PCDH9: variants seen among roughly 807,000 people sequenced by gnomAD.
PCDH9 encodes the protein protocadherin 9, also known as protocadherin-9.
Under a neutral mutation model 70.6 loss-of-function variants are expected in PCDH9, and 24 were observed. The ratio of observed to expected loss-of-function variants is 0.34; its 90% CI spans 0.25 to 0.48. PCDH9 has a LOEUF of 0.48. Ranked by LOEUF, PCDH9 falls within the 20% of genes least tolerant of loss-of-function variation. PCDH9 has a pLI of 0.99. For missense variants in PCDH9, 1,281 were observed against 1,503.6 expected (o/e 0.85, Z 2.45); for synonymous variants, 562 against 558.5 (o/e 1.01, Z -0.09).
chr13:66,695,192 C>T (rs1273279159), intron 3 of PCDH9, among the ~76,000 whole-genome samples: 1 of 152,158 alleles, frequency 6.6e-6, no homozygotes, highest in African/African-American at 2.4e-5. Context: ...CGTGAGCCAC[C>T]GCGCCCGGTA....
At chr13:66,688,425 C>G (rs1305559762) in intron 3 of PCDH9, among the ~76,000 whole-genome samples, 3 of 152,132 alleles carry the variant, frequency 2.0e-5, no homozygotes, top group African/African-American at 7.2e-5. Flanking sequence ...GGTTAGGCAT[C>G]TTACAGAAAA....
At chr13:67,204,622 T>G (rs1193739330) in intron 2 of PCDH9, 1 of 152,206 alleles carries the variant, frequency 6.6e-6, no homozygotes, top group Admixed American at 6.5e-5. Context: ...AATGTCCATT[T>G]GGATCCAGTC....
chr13:66,393,155 T>G (rs1345550196), intron 4 of PCDH9, among the ~76,000 whole-genome samples: 1 of 152,174 alleles, frequency 6.6e-6, no homozygotes, highest in African/African-American at 2.4e-5. Context: ...ACACGATTCT[T>G]ATTGATGTTA....
chr13:66,738,872 AC>A (rs1284055733), intron 3 of PCDH9, among the ~76,000 whole-genome samples: 30 of 150,186 alleles, frequency 2.0e-4, no homozygotes, highest in Non-Finnish European at 3.4e-4. Context: ...TGATTGGTGT[AC>A]CTGAAAGTGA....
chr13:66,377,822 C>T (rs1956776407), intron 4 of PCDH9, among the ~76,000 whole-genome samples: 2 of 152,124 alleles, frequency 1.3e-5, no homozygotes, highest in Admixed American at 1.3e-4. Flanking sequence ...TTGCTGTCAA[C>T]CCTGTGTTAT....
chr13:67,152,092 C>G (rs2087677214), intron 2 of PCDH9, among the ~76,000 whole-genome samples: 1 of 152,132 alleles, frequency 6.6e-6, no homozygotes, highest in East Asian at 1.9e-4. Flanking sequence ...ACTTACAAGA[C>G]TTTTTGTGTC....
chr13:66,424,148 T>C (rs780813830), intron 4 of PCDH9, among the ~76,000 whole-genome samples: 1 of 152,070 alleles, frequency 6.6e-6, no homozygotes, highest in Non-Finnish European at 1.5e-5. Flanking sequence ...CAATGAAAAC[T>C]ACAAACCACT....
At chr13:66,993,093 T>C (rs1396464596) in intron 2 of PCDH9, among the ~76,000 whole-genome samples, 5 of 152,134 alleles carry the variant, frequency 3.3e-5, no homozygotes, top group African/African-American at 9.7e-5. Context: ...ATAAAGTGAC[T>C]CGTCTCATGA....
intron 3 of PCDH9, among the ~76,000 whole-genome samples, chr13:66,673,939 G>A (rs537279149): frequency 5.9e-5 from 9 of 152,092 alleles, no homozygotes; most frequent in African/African-American, 2.2e-4. Context: ...TCAGTCTCTT[G>A]CTACAAAATT....
chr13:67,144,636 A>G (rs565173180), intron 2 of PCDH9, among the ~76,000 whole-genome samples: 2 of 152,270 alleles, frequency 1.3e-5, no homozygotes, highest in South Asian at 4.1e-4. Flanking sequence ...ATATTTTTTC[A>G]TTCACTACTA....
intron 4 of PCDH9, among the ~76,000 whole-genome samples, chr13:66,416,559 A>G (rs1957464846): frequency 6.6e-6 from 1 of 152,184 alleles, no homozygotes; most frequent in Non-Finnish European, 1.5e-5. Flanking sequence ...GCTATAATGC[A>G]TGTTGCTCTG....
intron 3 of PCDH9, among the ~76,000 whole-genome samples, chr13:66,759,882 A>G (rs1196861917): frequency 6.6e-6 from 1 of 152,160 alleles, no homozygotes; most frequent in Non-Finnish European, 1.5e-5. Context: ...AGATTTACAT[A>G]TCACCATTAT....
rs117703090 is a variant in PCDH9, at chr13:66,544,654, G to A, written c.3340+86556C>T. 2.8e-3 allele frequency among the ~76,000 whole-genome samples: 432 copies of A among 152,266 alleles called. 2 individuals are homozygous for A. Among genetic ancestry groups the A allele is most frequent in the Middle Eastern group, 0.027 (8 of 294 alleles). On this transcript the variant is annotated intron_variant, in intron 4 of 4. Transcript: ENST00000377865. ...CTTGCAATTATATGCAAATTAAGGA[G>A]TGGTTTAATGTAAATTGAAGGACAG...
chr13:66,669,094 T>C (rs560444077), intron 3 of PCDH9, among the ~76,000 whole-genome samples: 3 of 152,322 alleles, frequency 2.0e-5, no homozygotes, highest in Non-Finnish European at 2.9e-5. Flanking sequence ...TGTAAGCAAA[T>C]GGAATGTCTA....
intron 2 of PCDH9, among the ~76,000 whole-genome samples, chr13:66,933,399 A>G (rs2082848849): frequency 1.3e-5 from 2 of 152,206 alleles, no homozygotes; most frequent in South Asian, 4.1e-4. Context: ...AGGAAAGATT[A>G]AGATGACTTG....
intron 2 of PCDH9, among the ~76,000 whole-genome samples, chr13:67,063,157 C>A (rs770879975): frequency 2.6e-5 from 4 of 152,112 alleles, no homozygotes; most frequent in Non-Finnish European, 5.9e-5. Context: ...ACTTTGTGGT[C>A]TTAGCTGATG....
chr13:66,964,789 G>GTGAA (rs1224234693), intron 2 of PCDH9, among the ~76,000 whole-genome samples: 1 of 151,938 alleles, frequency 6.6e-6, no homozygotes, highest in Non-Finnish European at 1.5e-5. Flanking sequence ...CTCTTTTAAA[G>GTGAA]TGAATGTGTG....
At chr13:66,543,997 C>A (rs762419155) in intron 4 of PCDH9, among the ~76,000 whole-genome samples, 1 of 152,134 alleles carries the variant, frequency 6.6e-6, no homozygotes, top group Non-Finnish European at 1.5e-5. Flanking sequence ...TGGTTGAATA[C>A]AGGTAAGTTC....
intron 3 of PCDH9, among the ~76,000 whole-genome samples, chr13:66,640,759 T>C (rs2077698149): frequency 6.6e-6 from 1 of 152,230 alleles, no homozygotes; most frequent in African/African-American, 2.4e-5. Context: ...TACTGTACAA[T>C]AAGGTTGTTT....
Sources: gnomAD v4.1 joint callset for allele counts (sites outside exome capture counted in the v4.1 genomes callset) on GRCh38, gnomAD v4.1.1 for gene constraint, MANE v1.5 for transcripts, NCBI Gene and HGNC (gene_info 2026-07-23, HGNC 2026-07-21) for gene names.